Variants in NEDD4L observed in about 807,000 individuals in gnomAD.
NEDD4L encodes the protein E3 ubiquitin-protein ligase NEDD4-like.
Under a neutral mutation model 148.9 loss-of-function variants are expected in NEDD4L, and 54 were observed. The observed-to-expected ratio is 0.36, with a 90% CI of 0.29 to 0.45. The LOEUF is 0.45. Among genes scored for constraint, NEDD4L ranks in the 20% least tolerant of loss-of-function variants. The pLI is 1.00. For missense variants in NEDD4L, 856 were observed against 1,233.8 expected (o/e 0.69, Z 4.59); for synonymous variants, 433 against 440.7 (o/e 0.98, Z 0.22).
In NEDD4L at chr18:58,049,305, C is replaced by G. The variant is rs778992075; in HGVS notation, c.48+4597C>G. Among the ~76,000 whole-genome samples the G allele has an allele frequency of 3.9e-5, 6 of 152,258 alleles. No individual in the cohort carries two copies. The East Asian group carries it at 1.2e-3, about 29-fold the overall frequency. ...CCTAGATCATAGCCAACTGGATGGCCGTCTGTAAGTGATTAAGAATAGTTG... is the reference window on the plus strand; with the variant it reads ...CCTAGATCATAGCCAACTGGATGGCGGTCTGTAAGTGATTAAGAATAGTTG... On this transcript the variant is annotated intron_variant, in intron 1 of 30. Transcript: ENST00000400345.
chr18:58,260,421 T>C (rs778637123), intron 5 of NEDD4L, among the ~76,000 whole-genome samples: 5 of 152,360 alleles, frequency 3.3e-5, no homozygotes, highest in African/African-American at 4.8e-5. Context: ...ACAGAAACTG[T>C]ACATGGCTTG....
At chr18:58,309,041 T>G (rs1159806989) in intron 5 of NEDD4L, among the ~76,000 whole-genome samples, 1 of 152,240 alleles carries the variant, frequency 6.6e-6, no homozygotes, top group African/African-American at 2.4e-5. Context: ...TCAGCTCTCC[T>G]GCTCAGGCAC....
chr18:58,056,468 G>C (rs1431749301), intron 1 of NEDD4L, among the ~76,000 whole-genome samples: 1 of 152,224 alleles, frequency 6.6e-6, no homozygotes, highest in Admixed American at 6.5e-5. Flanking sequence ...CCAGCTCAGG[G>C]ATGTCTTCAG....
In NEDD4L at chr18:58,330,792, G is replaced by A. The variant is rs748474298; in HGVS notation, c.868G>A (p.Ala290Thr). 2 of 1,613,452 alleles carry A rather than the reference G, an allele frequency of 1.2e-6. No homozygotes were observed. Among genetic ancestry groups the A allele is most frequent in the African/African-American group, 1.3e-5 (1 of 74,856 alleles). Residue 290 changes from alanine (A) to threonine (T), a missense_variant, in exon 11 of 31, where the codon GCT becomes ACT. By Grantham distance (58) the Ala-to-Thr change is moderately conservative. Around this residue, in one of 4 missense-constraint regions of NEDD4L, gnomAD observed 367 missense variants for 422.7 expected, o/e 0.87. Coordinates refer to ENST00000400345, the MANE Select transcript of NEDD4L (RefSeq NM_001144967.3). ...VNIAGDSLGL[A>T]LPPPPASPGS... ...TATCGCTGGAGACTCTCTCGGTCTG[G>A]CTCTGCCCCCACCACCGGCCTCCCC... is the stretch of plus-strand genomic sequence containing the variant.
At chr18:58,119,357 AC>A (rs1469800849) in intron 1 of NEDD4L, among the ~76,000 whole-genome samples, 4 of 152,098 alleles carry the variant, frequency 2.6e-5, no homozygotes, top group Non-Finnish European at 5.9e-5. Context: ...TGAAAAAGGT[AC>A]CCAGGCTATT....
chr18:58,225,495 C>G (rs914346477), intron 2 of NEDD4L, among the ~76,000 whole-genome samples: 1 of 152,208 alleles, frequency 6.6e-6, no homozygotes, highest in Non-Finnish European at 1.5e-5. Context: ...TTGCGCACAT[C>G]TATATTTGGC....
rs549278203 is a variant in NEDD4L, at chr18:58,208,984, A to T, written c.123-36443A>T. Among the ~76,000 whole-genome samples the T allele has an allele frequency of 9.2e-5, 14 of 152,204 alleles. No homozygotes were observed. The South Asian group carries it at 2.5e-3, about 27-fold the overall frequency. On this transcript the variant is annotated intron_variant, in intron 2 of 30. Coordinates refer to ENST00000400345, the MANE Select transcript of NEDD4L (RefSeq NM_001144967.3). ...AGGCTAAATGTAGTCTGACTGCAGG[A>T]TTCATTCCAGTGGGAATTTTTTTGT...
intron 1 of NEDD4L, among the ~76,000 whole-genome samples, chr18:58,082,699 G>T (rs962156210): frequency 6.7e-6 from 1 of 150,088 alleles, no homozygotes; most frequent in Non-Finnish European, 1.5e-5. Flanking sequence ...TTGAACCTGG[G>T]AAGCGGAGGT....
chr18:58,092,867 T>G (rs2084163496), intron 1 of NEDD4L, among the ~76,000 whole-genome samples: 1 of 109,224 alleles, frequency 9.2e-6, no homozygotes, highest in Non-Finnish European at 1.8e-5. Flanking sequence ...TTTTTTTTTG[T>G]TTTTTTTTTT....
intron 5 of NEDD4L, among the ~76,000 whole-genome samples, chr18:58,269,826 G>A (rs543569368): frequency 6.7e-6 from 1 of 149,730 alleles, no homozygotes; most frequent in East Asian, 1.9e-4. Flanking sequence ...TGTTCACATG[G>A]TTCCTCTTTC....
rs202214770 is a variant in NEDD4L at position 58,053,309 on chromosome 18, A to AT, written c.48+8613dup. On this transcript the variant is annotated intron_variant, in intron 1 of 30. Coordinates refer to ENST00000400345, the MANE Select transcript of NEDD4L (RefSeq NM_001144967.3). ...GCTCCTGGTCTTGCCTGTGTTAACAATTTTTTTTTTTTCTTTCCAGATGGA... is the reference window on the plus strand; with the variant it reads ...GCTCCTGGTCTTGCCTGTGTTAACAATTTTTTTTTTTTTCTTTCCAGATGGA... Among the ~76,000 whole-genome samples the AT allele has an allele frequency of 5.8e-4, 85 of 147,772 alleles. 1 individual carries two copies. The South Asian group carries it at 7.8e-3, about 14-fold the overall frequency.
In NEDD4L at chr18:58,400,243, C is replaced by T. The variant is rs2050766234; in HGVS notation, c.*3974C>T. 1 of 152,178 alleles carries T rather than the reference C, an allele frequency of 6.6e-6. No individual in the cohort carries two copies. Among genetic ancestry groups the T allele is most frequent in the Non-Finnish European group, 1.5e-5 (1 of 68,018 alleles). 9.4% of individuals were successfully genotyped at this position (152,178 alleles called of 1,614,324 possible). A position where few individuals can be genotyped will look rare whatever the true frequency, so the allele number is the denominator to read the frequency against. On this transcript the variant is annotated 3_prime_UTR_variant, in exon 31 of 31. Coordinates refer to ENST00000400345, the MANE Select transcript of NEDD4L (RefSeq NM_001144967.3). Reference sequence around the variant, plus strand: ...CTCCCCTGACCCCGAAGATCACTACCTCTGTCATTCAGGCATTGGGGTACA... The same window carrying T: ...CTCCCCTGACCCCGAAGATCACTACTTCTGTCATTCAGGCATTGGGGTACA...
At chr18:58,173,817 A>C (rs531947725) in intron 2 of NEDD4L, among the ~76,000 whole-genome samples, 65 of 152,314 alleles carry the variant, frequency 4.3e-4, no homozygotes, top group Non-Finnish European at 6.8e-4. Context: ...CATTATCTGA[A>C]CTTCCCCAGC....
chr18:58,221,842 GT>G, intron 2 of NEDD4L: 2 of 487,500 alleles, frequency 4.1e-6, no homozygotes, highest in Non-Finnish European at 5.3e-6. Context: ...GTTTAATACT[GT>G]TTTTATGTCA....
intron 1 of NEDD4L, among the ~76,000 whole-genome samples, chr18:58,155,732 A>G (rs17760597): frequency 0.079 from 12,073 of 152,264 alleles, 719 homozygotes; most frequent in East Asian, 0.22. Flanking sequence ...TAGGGTGAGC[A>G]TCATTCATGG....
chr18:58,385,609 C>G (rs1369473566), intron 26 of NEDD4L, 23 bp downstream of exon 26: 9 of 1,602,136 alleles, frequency 5.6e-6, no homozygotes, highest in East Asian at 2.2e-5. Flanking sequence ...GGCCAGGGTT[C>G]TCTGCCATGT....
At chr18:58,223,503 G>A (rs747101748) in intron 2 of NEDD4L, among the ~76,000 whole-genome samples, 1 of 152,128 alleles carries the variant, frequency 6.6e-6, no homozygotes, top group Non-Finnish European at 1.5e-5. Context: ...TGGTCTTGAC[G>A]GTTCTGTTGG....
intron 4 of NEDD4L, 125 bp from the exon 5 acceptor site, chr18:58,251,876 T>A (rs2047982437): frequency 1.1e-5 from 7 of 635,286 alleles, no homozygotes; most frequent in Non-Finnish European, 2.0e-5. Context: ...AACAGCAGGA[T>A]AATTGTTCAT....
intron 1 of NEDD4L, among the ~76,000 whole-genome samples, chr18:58,068,479 A>G (rs1298563079): frequency 6.6e-6 from 1 of 152,196 alleles, no homozygotes; most frequent in East Asian, 1.9e-4. Flanking sequence ...GATTACAGGC[A>G]TGAGCCACCG....
Sources: gnomAD v4.1 joint callset for allele counts (sites outside exome capture counted in the v4.1 genomes callset) on GRCh38, gnomAD v4.1.1 for gene constraint, gnomAD v4.1.1 regional missense constraint, MANE v1.5 for transcripts, NCBI Gene and HGNC (gene_info 2026-07-23, HGNC 2026-07-21) for gene names.